Variants in SEC24B observed in about 807,000 individuals in gnomAD.
SEC24B encodes the protein SEC24 homolog B, COPII component, also known as protein transport protein Sec24B.
A neutral mutation model predicts 142.8 loss-of-function variants in SEC24B; 45 were observed. The observed-to-expected ratio is 0.32, with a 90% CI of 0.25 to 0.40. SEC24B has a LOEUF of 0.40. Among genes scored for constraint, SEC24B ranks in the 10% least tolerant of loss-of-function variants. The probability of loss-of-function intolerance (pLI) is 1.00; values close to 1 mark genes in which losing one functional copy is unlikely to be tolerated. For missense variants in SEC24B, 1,409 were observed against 1,526.8 expected, an observed-to-expected ratio of 0.92 and a Z score of 1.29; for synonymous variants, 574 against 568.2, an observed-to-expected ratio of 1.01 and a Z score of -0.15.
intron 2 of SEC24B, among the ~76,000 whole-genome samples, chr4:109,470,741 C>A (rs546903893): frequency 5.9e-5 from 9 of 152,174 alleles, no homozygotes; most frequent in Non-Finnish European, 1.2e-4. Context: ...AAATTATATT[C>A]TTCCATTGGA....
At chr4:109,539,181 TGA>T (rs1725906863) in intron 23 of SEC24B, among the ~76,000 whole-genome samples, 2 of 151,958 alleles carry the variant, frequency 1.3e-5, no homozygotes, top group Non-Finnish European at 2.9e-5. Flanking sequence ...AGGCTGGTCT[TGA>T]ACTCCTCACC....
rs1180082520 is a variant in SEC24B, at chr4:109,494,792, C to A, written c.1424C>A (p.Ala475Glu). 1.9e-6 allele frequency: 3 copies of A among 1,614,072 alleles called. No individual in the cohort carries two copies. The highest frequency in any genetic ancestry group is 2.5e-6 in the Non-Finnish European group (3 of 1,180,014). ...TLQPGYQNAT[A>E]PLISGVQPSN... ...CAGCCTGGTTATCAGAATGCTACAGCACCACTTATTTCTGGAGTACAGCCC... is the reference window on the plus strand; with the variant it reads ...CAGCCTGGTTATCAGAATGCTACAGAACCACTTATTTCTGGAGTACAGCCC... The change falls in exon 6 of 24, where the codon GCA becomes GAA. Residue 475 changes from alanine (A) to glutamate (E), a missense_variant. By Grantham distance (107) the Ala-to-Glu change is moderately radical. Transcript: ENST00000265175.
chr4:109,538,701 G>A, intron 23 of SEC24B, 105 bp downstream of exon 23: 3 of 646,556 alleles, frequency 4.6e-6, no homozygotes, highest in African/African-American at 1.8e-5. Context: ...ATATTCTGAT[G>A]GTAAAATGTT....
chr4:109,538,676 A>T, intron 23 of SEC24B, 80 bp downstream of exon 23: 4 of 775,554 alleles, frequency 5.2e-6, no homozygotes, highest in Non-Finnish European at 9.0e-6. Context: ...AGCAAACTTT[A>T]AATAGTAGCA....
chr4:109,533,721 G>T, intron 22 of SEC24B, 36 bp downstream of exon 22: 3 of 1,242,036 alleles, frequency 2.4e-6, no homozygotes, highest in Non-Finnish European at 3.5e-6. Context: ...CTTTTTGTTT[G>T]CTCATTTTTT....
At chr4:109,486,532 C>G (rs775607729) in intron 4 of SEC24B, among the ~76,000 whole-genome samples, 1 of 152,110 alleles carries the variant, frequency 6.6e-6, no homozygotes, top group African/African-American at 2.4e-5. Flanking sequence ...CTCTCTTTTT[C>G]TCTTTCCTTT....
In SEC24B at chr4:109,475,330, A is replaced by G. The variant is rs1732996806; in HGVS notation, c.1060+2144A>G. Among the ~76,000 whole-genome samples, 5 of 152,234 alleles carry G rather than the reference A, an allele frequency of 3.3e-5. No individual in the cohort carries two copies. The South Asian group carries it at 8.3e-4, about 25-fold the overall frequency. ...TATGGTGGTGCGAATTGTCATTTGCATGAATGGAGCTTCTTCGAATTGTGC... is the reference window on the plus strand; with the variant it reads ...TATGGTGGTGCGAATTGTCATTTGCGTGAATGGAGCTTCTTCGAATTGTGC... On this transcript the variant is annotated intron_variant, in intron 3 of 23. Coordinates refer to ENST00000265175, the MANE Select transcript of SEC24B (RefSeq NM_006323.5).
At chr4:109,484,507 T>C (rs1416389533) in intron 4 of SEC24B, among the ~76,000 whole-genome samples, 1 of 152,182 alleles carries the variant, frequency 6.6e-6, no homozygotes, top group African/African-American at 2.4e-5. Context: ...TCTTTGAGAC[T>C]ATTTAAATGT....
intron 10 of SEC24B, among the ~76,000 whole-genome samples, chr4:109,515,567 A>T (rs1446732132): frequency 6.6e-6 from 1 of 152,076 alleles, no homozygotes; most frequent in African/African-American, 2.4e-5. Flanking sequence ...GGCCCGAGCA[A>T]TCCACCTACC....
Position 109,534,589 on chromosome 4 carries a change from A to C in SEC24B, c.3588+904A>C, listed in dbSNP as rs1486400843. Among the ~76,000 whole-genome samples the C allele has an allele frequency of 9.9e-5, 15 of 152,220 alleles. 1 individual carries two copies. Among genetic ancestry groups the C allele is most frequent in the Admixed American group, 9.8e-4 (15 of 15,278 alleles). On this transcript the variant is annotated intron_variant, in intron 22 of 23. Transcript: ENST00000265175. ...GTGACACAGCGAGACTCCAACTAAA[A>C]AAAGAAAAAAAAATTAAAATGGGTA...
intron 1 of SEC24B, among the ~76,000 whole-genome samples, chr4:109,443,796 A>G (rs920191907): frequency 3.9e-5 from 6 of 152,314 alleles, no homozygotes; most frequent in African/African-American, 1.4e-4. Flanking sequence ...TAAGGGAGGA[A>G]GTTAGAACTT....
At chr4:109,445,532 G>A (rs1020562037) in intron 1 of SEC24B, among the ~76,000 whole-genome samples, 4 of 151,176 alleles carry the variant, frequency 2.6e-5, no homozygotes, top group Admixed American at 6.6e-5. Context: ...GATTACAGGC[G>A]TGAGCCACGG....
intron 1 of SEC24B, 30 bp downstream of exon 1, chr4:109,434,032 G>A (rs1728123490): frequency 3.7e-6 from 4 of 1,094,932 alleles, no homozygotes; most frequent in Non-Finnish European, 3.3e-6. Flanking sequence ...CGGAGCGCGG[G>A]GCCTAGCACC....
intron 4 of SEC24B, among the ~76,000 whole-genome samples, chr4:109,486,313 A>G (rs901538521): frequency 6.6e-6 from 1 of 152,116 alleles, no homozygotes; most frequent in South Asian, 2.1e-4. Flanking sequence ...TTATGAGGAA[A>G]TCTCAAATTA....
chr4:109,477,008 G>T (rs544668080), intron 3 of SEC24B, among the ~76,000 whole-genome samples: 10 of 150,586 alleles, frequency 6.6e-5, no homozygotes, highest in Admixed American at 4.0e-4. Flanking sequence ...GTAGTGGCGG[G>T]CGCCTGTAGT....
At chr4:109,508,761 A>G (rs965747935) in intron 7 of SEC24B, among the ~76,000 whole-genome samples, 1 of 152,166 alleles carries the variant, frequency 6.6e-6, no homozygotes, top group South Asian at 2.1e-4. Flanking sequence ...TGTGCAATTT[A>G]TTTAACCTCT....
intron 14 of SEC24B, among the ~76,000 whole-genome samples, chr4:109,523,486 C>CAAT (rs894093709): frequency 2.0e-5 from 3 of 151,586 alleles, no homozygotes; most frequent in Non-Finnish European, 4.4e-5. Context: ...AAAAGAAAAA[C>CAAT]AATAATAATA....
intron 3 of SEC24B, 35 bp downstream of exon 3, chr4:109,473,221 GAC>G (rs759737734): frequency 9.6e-6 from 13 of 1,349,112 alleles, no homozygotes; most frequent in African/African-American, 3.0e-5. Flanking sequence ...TATGCACACA[GAC>G]ACACATACGT....
intron 1 of SEC24B, among the ~76,000 whole-genome samples, chr4:109,455,266 T>G (rs75230947): frequency 2.8e-4 from 42 of 152,170 alleles, no homozygotes; most frequent in East Asian, 1.7e-3. Context: ...TTTTTTTTTT[T>G]GGGATGGAGT....
Sources: gnomAD v4.1 joint callset for allele counts (sites outside exome capture counted in the v4.1 genomes callset) on GRCh38, gnomAD v4.1.1 for gene constraint, MANE v1.5 for transcripts, NCBI Gene and HGNC (gene_info 2026-07-23, HGNC 2026-07-21) for gene names.